CEP112: variants seen among roughly 807,000 people sequenced by gnomAD.
CEP112 encodes the protein centrosomal protein of 112 kDa.
A neutral mutation model predicts 153.0 loss-of-function variants in CEP112; 127 were observed. The ratio of observed to expected loss-of-function variants is 0.83; its 90% CI spans 0.72 to 0.96. The LOEUF is 0.96. Among genes scored for constraint, CEP112 ranks in the 40% least tolerant of loss-of-function variants. The probability of loss-of-function intolerance (pLI) is 0.00; values close to 1 mark genes in which losing one functional copy is unlikely to be tolerated. For synonymous variants in CEP112, 358 were observed against 374.4 expected, an observed-to-expected ratio of 0.96 and a Z score of 0.51; for missense variants, 1,089 against 1,101.2, an observed-to-expected ratio of 0.99 and a Z score of 0.16.
chr17:65,659,483 G>C (rs1242801177), intron 24 of CEP112, among the ~76,000 whole-genome samples: 1 of 152,196 alleles, frequency 6.6e-6, no homozygotes, highest in Admixed American at 6.5e-5. Context: ...GGCAGCCGTT[G>C]TCCCACCGGT....
chr17:65,651,640 CCTCT>C (rs1279850256), intron 24 of CEP112, among the ~76,000 whole-genome samples: 2 of 151,768 alleles, frequency 1.3e-5, no homozygotes, highest in Non-Finnish European at 2.9e-5. Flanking sequence ...TTCCTTCCTT[CCTCT>C]CTTTCTTTCT....
At chr17:65,991,775 T>C (rs1358080125) in intron 17 of CEP112, among the ~76,000 whole-genome samples, 1 of 152,108 alleles carries the variant, frequency 6.6e-6, no homozygotes, top group Non-Finnish European at 1.5e-5. Context: ...ATATTACTAT[T>C]AATTTCTTGA....
rs376478878 is a variant in CEP112, at chr17:66,053,704, C to A, written c.1218+32G>T. On this transcript the variant is annotated intron_variant, in intron 12 of 26. Transcript: ENST00000535342. ...GACATGGAAATTGAGAAGACAGGTT[C>A]TAAGATGTCAAGAACAGGTTTAAAG... is the stretch of plus-strand genomic sequence containing the variant. 35 of 1,593,244 alleles carry A rather than the reference C, an allele frequency of 2.2e-5. No homozygotes were observed. The African/African-American group carries it at 4.7e-4, about 21-fold the overall frequency.
intron 17 of CEP112, among the ~76,000 whole-genome samples, chr17:65,976,239 G>C (rs1046978733): frequency 6.6e-6 from 1 of 152,182 alleles, no homozygotes; most frequent in African/African-American, 2.4e-5. Flanking sequence ...TAATGAGAAA[G>C]GATTCCCAAC....
At chr17:65,770,919 A>G (rs1039263498) in intron 21 of CEP112, among the ~76,000 whole-genome samples, 8 of 113,222 alleles carry the variant, frequency 7.1e-5, no homozygotes, top group African/African-American at 2.8e-4. Flanking sequence ...ACAGAGCAAG[A>G]CTCCGTCTTA....
chr17:65,708,830 C>G (rs2049035988), intron 23 of CEP112, among the ~76,000 whole-genome samples: 1 of 152,174 alleles, frequency 6.6e-6, no homozygotes, highest in South Asian at 2.1e-4. Flanking sequence ...ACTTTTACTT[C>G]CTGTTTGTCT....
intron 21 of CEP112, among the ~76,000 whole-genome samples, chr17:65,806,671 C>T (rs1191964327): frequency 6.6e-6 from 1 of 152,166 alleles, no homozygotes; most frequent in African/African-American, 2.4e-5. Context: ...GGCACTTCCC[C>T]CTTCTCTCTC....
At chr17:65,687,953 G>T (rs1401838819) in intron 24 of CEP112, among the ~76,000 whole-genome samples, 1 of 152,110 alleles carries the variant, frequency 6.6e-6, no homozygotes, top group South Asian at 2.1e-4. Context: ...ATCAATATTA[G>T]CAACGCTACA....
intron 19 of CEP112, chr17:65,913,902 T>C (rs1050353970): frequency 4.1e-6 from 4 of 980,998 alleles, no homozygotes; most frequent in Non-Finnish European, 4.8e-6. Context: ...CTCCAGCACC[T>C]GTAGGTGATG....
intron 23 of CEP112, 137 bp from the exon 24 acceptor site, chr17:65,689,355 C>T (rs232123): frequency 0.45 from 266,605 of 587,062 alleles, 62,708 homozygotes; most frequent in African/African-American, 0.59. Context: ...GCAAACAATA[C>T]CAGACTTTTG....
intron 17 of CEP112, among the ~76,000 whole-genome samples, chr17:65,998,327 G>A (rs2063868843): frequency 6.9e-6 from 1 of 145,192 alleles, no homozygotes; most frequent in South Asian, 2.2e-4. Flanking sequence ...AGGTAGCAGT[G>A]AGCCGAGATC....
At chr17:65,745,312 T>TG (rs1170966114) in intron 22 of CEP112, among the ~76,000 whole-genome samples, 5 of 152,228 alleles carry the variant, frequency 3.3e-5, no homozygotes, top group African/African-American at 1.2e-4. Flanking sequence ...TTACTGAGAA[T>TG]GAAGATGTTT....
At chr17:65,958,195 A>G (rs949213065) in intron 18 of CEP112, among the ~76,000 whole-genome samples, 16 of 152,102 alleles carry the variant, frequency 1.1e-4, no homozygotes, top group African/African-American at 3.9e-4. Context: ...GGATTGGTTC[A>G]TGTATTCATA....
intron 21 of CEP112, among the ~76,000 whole-genome samples, chr17:65,791,314 C>A (rs1391385795): frequency 6.6e-6 from 1 of 152,108 alleles, no homozygotes; most frequent in African/African-American, 2.4e-5. Flanking sequence ...AAGATGATGC[C>A]AGAGTAACAG....
intron 21 of CEP112, among the ~76,000 whole-genome samples, chr17:65,818,490 G>C (rs1030036924): frequency 2.0e-5 from 3 of 151,882 alleles, no homozygotes; most frequent in African/African-American, 7.2e-5. Flanking sequence ...TTCAGTTCCA[G>C]TGAATGATCA....
intron 20 of CEP112, among the ~76,000 whole-genome samples, chr17:65,882,355 T>G (rs1362824395): frequency 2.6e-5 from 4 of 152,280 alleles, no homozygotes; most frequent in African/African-American, 4.8e-5. Flanking sequence ...CAGCTAGCAA[T>G]GTGCCTAAAA....
In CEP112 at chr17:65,826,532, A is replaced by T. The variant is rs565862728; in HGVS notation, c.2394+25272T>A. The T allele has an allele frequency of 3.9e-5, 53 of 1,346,020 alleles. No homozygotes were observed. The African/African-American group carries it at 7.4e-4, about 19-fold the overall frequency. 83.4% of individuals were successfully genotyped at this position (1,346,020 alleles called of 1,614,324 possible). A position where few individuals can be genotyped will look rare whatever the true frequency, so the allele number is the denominator to read the frequency against. On this transcript the variant is annotated intron_variant, in intron 21 of 26. Transcript: ENST00000535342. ...ACCACACTGCCTGGCTCAGTTCCTG[A>T]TGTCAGCTAATGTGATGCCAGGGCT... is the stretch of plus-strand genomic sequence containing the variant.
At chr17:65,691,790 T>A (rs965770256) in intron 23 of CEP112, among the ~76,000 whole-genome samples, 7 of 152,226 alleles carry the variant, frequency 4.6e-5, no homozygotes, top group Non-Finnish European at 7.3e-5. Context: ...GATTACTGTA[T>A]TGGGAAGAAT....
At chr17:66,041,408 T>C (rs1220501702) in intron 12 of CEP112, among the ~76,000 whole-genome samples, 3 of 152,154 alleles carry the variant, frequency 2.0e-5, no homozygotes, top group Admixed American at 1.3e-4. Context: ...TTCATTATAA[T>C]AACGAGAAAA....
Sources: gnomAD v4.1 joint callset for allele counts (sites outside exome capture counted in the v4.1 genomes callset) on GRCh38, gnomAD v4.1.1 for gene constraint, MANE v1.5 for transcripts, NCBI Gene and HGNC (gene_info 2026-07-23, HGNC 2026-07-21) for gene names.